The following PSD3 variants were observed in gnomAD, a reference collection of about 807,000 sequenced individuals.
PSD3 encodes the protein pleckstrin and Sec7 domain containing 3.
Under a neutral mutation model 105.5 loss-of-function variants are expected in PSD3, and 49 were observed. The observed-to-expected ratio is 0.46, with a 90% CI of 0.37 to 0.59. PSD3 has a LOEUF of 0.59. Ranked by LOEUF, PSD3 falls within the 20% of genes least tolerant of loss-of-function variation. PSD3 has a pLI of 0.00. For synonymous variants in PSD3, 557 were observed against 457.8 expected, an observed-to-expected ratio of 1.22 and a Z score of -2.77; for missense variants, 1,561 against 1,263.8, an observed-to-expected ratio of 1.24 and a Z score of -3.57.
intron 2 of PSD3, among the ~76,000 whole-genome samples, chr8:18,908,183 T>C (rs918109144): frequency 3.3e-5 from 5 of 152,176 alleles, no homozygotes; most frequent in African/African-American, 1.2e-4. Flanking sequence ...TCAGAATGAA[T>C]GATTGGTTCA....
At chr8:18,869,354 TA>T in intron 3 of PSD3, among the ~76,000 whole-genome samples, 2 of 152,212 alleles carry the variant, frequency 1.3e-5, no homozygotes, top group Admixed American at 1.3e-4. Flanking sequence ...AACGCCTGGC[TA>T]ATTTTGTATT....
intron 9 of PSD3, among the ~76,000 whole-genome samples, chr8:18,765,042 A>C (rs12546309): frequency 0.1 from 15,363 of 152,256 alleles, 1,198 homozygotes; most frequent in East Asian, 0.24. Flanking sequence ...CAGAGACAAC[A>C]TGAGTGGCTC....
intron 11 of PSD3, among the ~76,000 whole-genome samples, chr8:18,603,768 C>T (rs1013936358): frequency 2.0e-5 from 3 of 152,110 alleles, no homozygotes; most frequent in Admixed American, 2.0e-4. Flanking sequence ...CTCGTGAGAT[C>T]TGGTTGTTTA....
rs144715653 is a variant in PSD3 at position 18,653,176 on chromosome 8, G to A, written c.2216+2466C>T. Among the ~76,000 whole-genome samples the A allele has an allele frequency of 7.4e-4, 112 of 152,142 alleles. 1 individual carries two copies. The highest frequency in any genetic ancestry group is 3.4e-3 in the Middle Eastern group (1 of 294). Reference sequence around the variant, plus strand: ...CCACAGGAGGAAACACTGAAATATGGCAAAACTCAGAAATTTACAGAATAT... The same window carrying A: ...CCACAGGAGGAAACACTGAAATATGACAAAACTCAGAAATTTACAGAATAT... On this transcript the variant is annotated intron_variant, in intron 10 of 15. Coordinates refer to ENST00000327040, the MANE Select transcript of PSD3 (RefSeq NM_015310.4).
chr8:18,848,125 G>A (rs909299151), intron 4 of PSD3, among the ~76,000 whole-genome samples: 1 of 119,392 alleles, frequency 8.4e-6, no homozygotes. Context: ...ACAAGCTTTC[G>A]AGAGTTAAAA....
intron 8 of PSD3, among the ~76,000 whole-genome samples, chr8:18,777,069 G>A (rs886246892): frequency 3.9e-5 from 6 of 152,136 alleles, no homozygotes; most frequent in South Asian, 2.1e-4. Context: ...TTGAGACGGA[G>A]TCTACCTCTA....
chr8:18,799,455 A>G, intron 7 of PSD3, 102 bp from the exon 8 acceptor site: 1 of 927,416 alleles, frequency 1.1e-6, no homozygotes, highest in Admixed American at 1.9e-5. Context: ...TGAAAACAGT[A>G]CTGTGCTAGG....
At chr8:18,571,256 C>T (rs575154884) in intron 14 of PSD3, among the ~76,000 whole-genome samples, 36 of 152,258 alleles carry the variant, frequency 2.4e-4, no homozygotes, top group Admixed American at 1.5e-3. Context: ...CTTTGCTGAC[C>T]TCTGCAGAGG....
At chr8:18,646,285 T>C (rs1808028506) in intron 10 of PSD3, among the ~76,000 whole-genome samples, 1 of 152,154 alleles carries the variant, frequency 6.6e-6, no homozygotes, top group Admixed American at 6.5e-5. Context: ...TTTTCCTTCA[T>C]TAATCTACAT....
chr8:18,768,484 G>A (rs1017740161), intron 8 of PSD3, among the ~76,000 whole-genome samples: 3 of 151,938 alleles, frequency 2.0e-5, no homozygotes, highest in Non-Finnish European at 4.4e-5. Context: ...TGCAGTCCCA[G>A]CTACTCTGGA....
At chr8:18,930,616 CT>C (rs1821685179) in intron 2 of PSD3, among the ~76,000 whole-genome samples, 1 of 146,822 alleles carries the variant, frequency 6.8e-6, no homozygotes, top group African/African-American at 2.6e-5. Flanking sequence ...TGTTGCCAGG[CT>C]AGAGTACAGT....
At chr8:19,069,434 C>G (rs953941939) in intron 1 of PSD3, among the ~76,000 whole-genome samples, 1 of 152,300 alleles carries the variant, frequency 6.6e-6, no homozygotes, top group Admixed American at 6.5e-5. Flanking sequence ...GTCAACTAGA[C>G]TCCCTAAAAG....
intron 1 of PSD3, among the ~76,000 whole-genome samples, chr8:18,942,850 A>G (rs962640472): frequency 6.6e-6 from 1 of 152,230 alleles, no homozygotes; most frequent in African/African-American, 2.4e-5. Flanking sequence ...TTACTTTAGG[A>G]AAGGCTACAG....
chr8:18,606,933 T>C (rs1252263985), intron 11 of PSD3, among the ~76,000 whole-genome samples: 1 of 152,230 alleles, frequency 6.6e-6, no homozygotes, highest in Non-Finnish European at 1.5e-5. Flanking sequence ...TTATTAACTA[T>C]ATTTACAATT....
chr8:19,077,858 C>A (rs528520950), intron 1 of PSD3, among the ~76,000 whole-genome samples: 5 of 152,062 alleles, frequency 3.3e-5, no homozygotes, highest in East Asian at 1.9e-4. Flanking sequence ...TAATCTCCAC[C>A]TTTTTGGTGT....
chr8:18,820,649 C>CTT (rs34112419), intron 4 of PSD3, among the ~76,000 whole-genome samples: 10 of 151,728 alleles, frequency 6.6e-5, no homozygotes, highest in East Asian at 3.9e-4. Context: ...GCAACCATTT[C>CTT]TTTTTTTTTA....
At chr8:18,717,414 T>G (rs62495835) in intron 9 of PSD3, among the ~76,000 whole-genome samples, 3,171 of 152,258 alleles carry the variant, frequency 0.021, 55 homozygotes, top group African/African-American at 0.049. Context: ...CAGGAGCATT[T>G]ATTACTGTTA....
chr8:18,746,276 G>A (rs892010413), intron 9 of PSD3, among the ~76,000 whole-genome samples: 6 of 152,054 alleles, frequency 3.9e-5, no homozygotes, highest in Non-Finnish European at 8.8e-5. Flanking sequence ...CCCATTCTGA[G>A]TCCATAAAGG....
At chr8:18,789,509 T>A (rs947027037) in intron 8 of PSD3, among the ~76,000 whole-genome samples, 1 of 152,222 alleles carries the variant, frequency 6.6e-6, no homozygotes, top group African/African-American at 2.4e-5. Flanking sequence ...CAGTTCCAGA[T>A]AAATATTAAT....
Sources: gnomAD v4.1 joint callset for allele counts (sites outside exome capture counted in the v4.1 genomes callset) on GRCh38, gnomAD v4.1.1 for gene constraint, MANE v1.5 for transcripts, NCBI Gene and HGNC (gene_info 2026-07-23, HGNC 2026-07-21) for gene names.